The following SPAST variants were observed in gnomAD, a reference collection of about 807,000 sequenced individuals.
SPAST encodes spastic paraplegia 4 (autosomal dominant; spastin).
A neutral mutation model predicts 76.6 loss-of-function variants in SPAST; 30 were observed. That is an observed-to-expected ratio of 0.39 (90% CI 0.29 to 0.53). The LOEUF is 0.53. Among genes scored for constraint, SPAST ranks in the 20% least tolerant of loss-of-function variants. The pLI is 0.68. For synonymous variants in SPAST, 305 were observed against 281.0 expected, an observed-to-expected ratio of 1.09 and a Z score of -0.86; for missense variants, 717 against 770.5, an observed-to-expected ratio of 0.93 and a Z score of 0.82.
chr2:32,081,790 A>AG (rs1558618624), intron 1 of SPAST, among the ~76,000 whole-genome samples: 2 of 148,058 alleles, frequency 1.4e-5, no homozygotes, highest in African/African-American at 2.5e-5. Flanking sequence ...TCAAAAAAAA[A>AG]AAAAAAAAAA....
At chr2:32,083,402 CTG>C (rs913002587) in intron 1 of SPAST, among the ~76,000 whole-genome samples, 1 of 151,970 alleles carries the variant, frequency 6.6e-6, no homozygotes, top group African/African-American at 2.4e-5. Flanking sequence ...AACTACCAAA[CTG>C]TTTTTCCAAC....
intron 9 of SPAST, among the ~76,000 whole-genome samples, chr2:32,136,084 A>T (rs907545569): frequency 3.9e-5 from 6 of 152,098 alleles, no homozygotes; most frequent in African/African-American, 1.4e-4. Flanking sequence ...TCTCAAAAAA[A>T]AAAAGGAAAA....
Position 32,098,669 on chromosome 2 carries a change from A to C in SPAST, c.587-127A>C, listed in dbSNP as rs959201327. 4.9e-6 allele frequency: 3 copies of C among 618,050 alleles called. No individual in the cohort carries two copies. In the African/African-American group the frequency reaches 5.6e-5, roughly 12 times the overall value. The allele number at this position is 618,050 out of a possible 1,614,324, so 38.3% of individuals were successfully genotyped here. A position where few individuals can be genotyped will look rare whatever the true frequency, so the allele number is the denominator to read the frequency against. On this transcript the variant is annotated intron_variant, in intron 3 of 16. Transcript: ENST00000315285. ...AAGATAATTTTATATAAATGCAAAA[A>C]CTTTTTATCATGTAACAATCTGGTA...
intron 9 of SPAST, chr2:32,130,329 G>A (rs1019837881): frequency 1.5e-5 from 2 of 132,402 alleles, no homozygotes; most frequent in Non-Finnish European, 1.6e-5. Flanking sequence ...ATGGTTGAAA[G>A]TGTTTTGGCA....
intron 4 of SPAST, among the ~76,000 whole-genome samples, chr2:32,110,852 T>G (rs898021151): frequency 8.1e-6 from 1 of 123,350 alleles, no homozygotes; most frequent in Non-Finnish European, 1.7e-5. Context: ...ATATAGTATA[T>G]AGAGTATATA....
intron 1 of SPAST, among the ~76,000 whole-genome samples, chr2:32,085,605 A>G (rs1360694291): frequency 3.3e-5 from 5 of 152,292 alleles, no homozygotes; most frequent in East Asian, 1.9e-4. Flanking sequence ...TGATAATTCT[A>G]TAACATAAGA....
chr2:32,137,256 A>C, intron 12 of SPAST, 68 bp downstream of exon 12: 1 of 1,187,636 alleles, frequency 8.4e-7, no homozygotes, highest in Non-Finnish European at 1.3e-6. Flanking sequence ...TCCATCTTAC[A>C]TATTATTTCC....
chr2:32,103,194 G>A (rs1363339460), intron 4 of SPAST, among the ~76,000 whole-genome samples: 5 of 152,122 alleles, frequency 3.3e-5, no homozygotes, highest in South Asian at 4.1e-4. Flanking sequence ...TTTAGCCTTG[G>A]GAGGCTGTAT....
chr2:32,090,905 A>C (rs1012211607), intron 3 of SPAST, among the ~76,000 whole-genome samples: 5 of 152,136 alleles, frequency 3.3e-5, no homozygotes, highest in Non-Finnish European at 5.9e-5. Flanking sequence ...TGTGTTCATC[A>C]TTAGTTGTTC....
intron 1 of SPAST, among the ~76,000 whole-genome samples, chr2:32,078,789 G>A (rs1196314725): frequency 6.6e-6 from 1 of 152,052 alleles, no homozygotes; most frequent in African/African-American, 2.4e-5. Context: ...AAAAAAATAT[G>A]CAAAACAATT....
chr2:32,086,847 A>C (rs1201549511), intron 1 of SPAST, among the ~76,000 whole-genome samples: 2 of 152,200 alleles, frequency 1.3e-5, no homozygotes, highest in East Asian at 3.8e-4. Flanking sequence ...TTAATTTTCA[A>C]ATATGTGATT....
intron 1 of SPAST, 139 bp from the exon 2 acceptor site, chr2:32,087,353 A>G (rs545286723): frequency 1.5e-5 from 8 of 518,038 alleles, no homozygotes; most frequent in South Asian, 9.1e-5. Flanking sequence ...ACAATGATAA[A>G]AATACTAAGA....
intron 7 of SPAST, among the ~76,000 whole-genome samples, chr2:32,121,827 A>T (rs949698228): frequency 3.9e-5 from 6 of 152,134 alleles, no homozygotes; most frequent in Non-Finnish European, 5.9e-5. Flanking sequence ...TACAGGCATG[A>T]GCCACCGTGC....
intron 1 of SPAST, among the ~76,000 whole-genome samples, chr2:32,067,263 T>A (rs1445823840): frequency 6.6e-6 from 1 of 152,130 alleles, no homozygotes; most frequent in Non-Finnish European, 1.5e-5. Context: ...GGTTCCACCA[T>A]GTTGGCCAGG....
chr2:32,108,834 G>A (rs1678425259), intron 4 of SPAST, among the ~76,000 whole-genome samples: 1 of 131,668 alleles, frequency 7.6e-6, no homozygotes, highest in African/African-American at 2.9e-5. Flanking sequence ...GGCGCGATCT[G>A]GGCTCACTGC....
chr2:32,131,891 A>C (rs1042828708), intron 9 of SPAST, among the ~76,000 whole-genome samples: 1 of 151,744 alleles, frequency 6.6e-6, no homozygotes, highest in Non-Finnish European at 1.5e-5. Flanking sequence ...CGATCTCCTG[A>C]CCTTGTGATC....
In SPAST at chr2:32,136,602, G is replaced by A; in HGVS notation, c.1285G>A (p.Val429Met). The A allele has an allele frequency of 6.2e-7, 1 of 1,613,744 alleles. No homozygotes were observed. Among genetic ancestry groups the A allele is most frequent in the Non-Finnish European group, 8.5e-7 (1 of 1,179,738 alleles). The change falls in exon 10 of 17, where the codon GTG (valine) becomes ATG (methionine). Residue 429 changes from valine to methionine, a missense_variant. Transcript: ENST00000315285. The part of the protein sequence containing the change: ...GEKLVRALFA[V>M]ARELQPSIIF... ...GAAATTGGTGAGGGCTCTTTTTGCT[G>A]TGGCTCGAGAACTTCAACCTTCTAT...
rs1553394618 is a variant in SPAST at position 32,064,180 on chromosome 2, C to T, written c.349C>T (p.Arg117Ter). The part of the protein sequence containing the change: ...PVPGGEAERV[R>*]VFHKQAFEYI... ...GCCGGGCGGCGAGGCCGAGCGCGTC[C>T]GAGTCTTCCACAAACAGGCCTTCGA... The change falls in exon 1 of 17, where the codon CGA becomes TGA. Residue 117 changes from arginine to a stop codon, truncating the protein, a stop_gained. Transcript: ENST00000315285. LOFTEE classifies it high-confidence loss of function. The T allele has an allele frequency of 6.4e-7, 1 of 1,551,630 alleles. No homozygotes were observed. Among genetic ancestry groups the T allele is most frequent in the Non-Finnish European group, 8.7e-7 (1 of 1,148,354 alleles).
chr2:32,136,569 G>GAA lies in SPAST; in HGVS notation c.1253_1254dup (p.Gly419LysfsTer6). ...GTATAATGCTTTGTTTTAGGTGGGA[G>GAA]AAGGAGAGAAATTGGTGAGGGCTCT... is the stretch of plus-strand genomic sequence containing the variant. On this transcript the variant is annotated frameshift_variant, in exon 10 of 17. Transcript: ENST00000315285. LOFTEE classifies it high-confidence loss of function. The GAA allele has an allele frequency of 6.2e-7, 1 of 1,611,938 alleles. No individual in the cohort carries two copies. Among genetic ancestry groups the GAA allele is most frequent in the Non-Finnish European group, 8.5e-7 (1 of 1,178,042 alleles).
Sources: allele counts gnomAD v4.1 joint callset (sites outside exome capture counted in the v4.1 genomes callset), GRCh38; gene constraint gnomAD v4.1.1; transcripts MANE v1.5; gene names NCBI Gene and HGNC (gene_info 2026-07-23, HGNC 2026-07-21).